KLC3: variants seen among roughly 807,000 people sequenced by gnomAD.
KLC3 encodes the protein kinesin light chain 2.
KLC3 carries 72 observed loss-of-function variants against 62.9 expected under a neutral mutation model. The ratio of observed to expected loss-of-function variants is 1.15; its 90% confidence interval spans 0.95 to 1.39. The LOEUF is 1.39. Among genes scored for constraint, KLC3 ranks in the 40% most tolerant of loss-of-function variants. KLC3 has a pLI of 0.00. For missense variants in KLC3, 848 were observed against 691.6 expected (o/e 1.23, Z -2.54); for synonymous variants, 377 against 300.5 (o/e 1.25, Z -2.63).
At position 45,346,648 on chromosome 19, in the gene KLC3, G is replaced by A; in HGVS notation, c.363G>A (p.Glu121=). ...CCCAGGAGAACGTGTGGCTGCGGGA[G>A]GAACTGGAGGAGACGCAGCGGCGGC... The part of the protein sequence containing the change: ...RLAQENVWLR[E]ELEETQRRLR... Residue 121 remains glutamate, a synonymous_variant, in exon 3 of 13, where the codon GAG becomes GAA. Coordinates refer to ENST00000391946, the MANE Select transcript of KLC3 (RefSeq NM_177417.3). 6.4e-7 allele frequency: 1 copy of A among 1,556,202 alleles called. No individual in the cohort carries two copies. Among genetic ancestry groups the A allele is most frequent in the Non-Finnish European group, 8.7e-7 (1 of 1,150,532 alleles).
intron 5 of KLC3, 87 bp downstream of exon 5, chr19:45,348,247 C>G: frequency 8.3e-7 from 1 of 1,202,000 alleles, no homozygotes; most frequent in Non-Finnish European, 1.2e-6. Context: ...CCCCCTCTGT[C>G]ACCATGGAGC....
intron 3 of KLC3, 53 bp from the exon 4 acceptor site, chr19:45,347,394 G>A: frequency 2.2e-6 from 3 of 1,369,090 alleles, no homozygotes; most frequent in East Asian, 4.6e-5. Flanking sequence ...CAGGGCCCCG[G>A]TCTCTGAAAC....
chr19:45,350,863 C>T (rs1971724731), intron 11 of KLC3, 91 bp from the exon 12 acceptor site: 1 of 1,247,846 alleles, frequency 8.0e-7, no homozygotes, highest in Non-Finnish European at 1.1e-6. Context: ...CCCTGTGATA[C>T]ACACAGATCA....
Position 45,350,108 on chromosome 19 carries a change from GGATACGGCCAGGTCAGCACATTA to G in KLC3, c.1144-230_1144-208del, listed in dbSNP as rs1350670021. 4 of 547,954 alleles carry G rather than the reference GGATACGGCCAGGTCAGCACATTA, an allele frequency of 7.3e-6. No individual in the cohort carries two copies. The Admixed American group carries it at 1.3e-4, about 18-fold the overall frequency. 33.9% of individuals were successfully genotyped at this position (547,954 alleles called of 1,614,324 possible). On this transcript the variant is annotated intron_variant, in intron 8 of 12. Coordinates refer to ENST00000391946, the MANE Select transcript of KLC3 (RefSeq NM_177417.3). ...CAGGGCAAGGCTTTAGGCAGGGGAA[GGATACGGCCAGGTCAGCACATTA>G]GAAAGTGGGGCCAGACGTGGTGGTT...
intron 4 of KLC3, 40 bp from the exon 5 acceptor site, chr19:45,347,901 G>A (rs762402370): frequency 1.3e-5 from 20 of 1,507,512 alleles, no homozygotes; most frequent in Non-Finnish European, 1.5e-5. Context: ...GGAGGGGCAG[G>A]AGGCTTGCAG....
At position 45,347,429 on chromosome 19, in the gene KLC3, A is replaced by G. The variant is rs536289695; in HGVS notation, c.490-18A>G. The stretch of plus-strand genomic sequence containing the variant: ...CAAGCCCCCACCACCCCGGCCCCCC[A>G]CTTTCCTGTCTCTGCAGCAGTCTGA... On this transcript the variant is annotated intron_variant, in intron 3 of 12. Transcript: ENST00000391946. 2 of 1,571,546 alleles carry G rather than the reference A, an allele frequency of 1.3e-6. No homozygotes were observed. The highest frequency in any genetic ancestry group is 3.6e-5 in the Admixed American group (2 of 54,938).
chr19:45,350,606 T>TG (rs1971694423), intron 10 of KLC3, 35 bp from the exon 11 acceptor site: 1 of 1,613,044 alleles, frequency 6.2e-7, no homozygotes, highest in Non-Finnish European at 8.5e-7. Context: ...TGCATGGGCC[T>TG]GGGGGACTGA....
Position 45,350,325 on chromosome 19 carries a change from A to G in KLC3, c.1144-16A>G. Reference sequence around the variant, plus strand: ...ACTGGGGTCCGAAAAGTTCCCAGACACTCCCTTCTCCGCAGGCCTCAGCCT... The same window carrying G: ...ACTGGGGTCCGAAAAGTTCCCAGACGCTCCCTTCTCCGCAGGCCTCAGCCT... On this transcript the variant is annotated splice_polypyrimidine_tract_variant and intron_variant, in intron 8 of 12. Transcript: ENST00000391946. 6.2e-7 allele frequency: 1 copy of G among 1,610,078 alleles called. No homozygotes were observed. Among genetic ancestry groups the G allele is most frequent in the Non-Finnish European group, 8.5e-7 (1 of 1,178,472 alleles).
Position 45,351,357 on chromosome 19 carries a change from A to G in KLC3, c.1515A>G (p.Ter505=), listed in dbSNP as rs748839560. 1.2e-6 allele frequency: 2 copies of G among 1,610,554 alleles called. No homozygotes were observed. The highest frequency in any genetic ancestry group is 1.1e-5 in the South Asian group (1 of 91,068). Residue 505 remains the stop codon, a stop_retained_variant, in exon 13 of 13, where the codon TAA becomes TAG. Coordinates refer to ENST00000391946, the MANE Select transcript of KLC3 (RefSeq NM_177417.3). ...SASTQDLSPH[*] ...GCACCCAGGACCTGAGCCCCCACTA[A>G]CGTCCAGTGAACTGCGCTGGCCGCA... is the stretch of plus-strand genomic sequence containing the variant.
rs764613230 is a variant in KLC3 at position 45,348,746 on chromosome 19, C to T, written c.867+13C>T. On this transcript the variant is annotated intron_variant, in intron 6 of 12. Coordinates refer to ENST00000391946, the MANE Select transcript of KLC3 (RefSeq NM_177417.3). ...TGAGCACCCCGCGGTGAGTGGGGCC[C>T]CAGGGAGACGAAGTGGGGTCAAAGT... The T allele has an allele frequency of 1.3e-6, 2 of 1,575,186 alleles. No homozygotes were observed. The highest frequency in any genetic ancestry group is 1.7e-6 in the Non-Finnish European group (2 of 1,160,336).
intron 12 of KLC3, 76 bp from the exon 13 acceptor site, chr19:45,351,210 T>G: frequency 6.3e-7 from 1 of 1,589,004 alleles, no homozygotes; most frequent in Non-Finnish European, 8.6e-7. Context: ...GCTGCCAGGC[T>G]GGACCTGGAG....
intron 1 of KLC3, among the ~76,000 whole-genome samples, chr19:45,341,080 C>A (rs1358665176): frequency 6.6e-6 from 1 of 151,724 alleles, no homozygotes; most frequent in African/African-American, 2.4e-5. Flanking sequence ...AGGGAGGGGG[C>A]CCTTGTGACT....
At chr19:45,349,030 G>A (rs1179912400) in intron 7 of KLC3, 109 bp downstream of exon 7, 1 of 940,966 alleles carries the variant, frequency 1.1e-6, no homozygotes, top group Admixed American at 2.4e-5. Context: ...CTTGCGTTTG[G>A]TATTGGGAGA....
At chr19:45,341,174 G>T (rs1444567624) in intron 1 of KLC3, among the ~76,000 whole-genome samples, 1 of 142,234 alleles carries the variant, frequency 7.0e-6, no homozygotes, top group Non-Finnish European at 1.5e-5. Flanking sequence ...GGAGTCTCCT[G>T]CCTGCCTGTG....
chr19:45,346,322 C>G (rs989250068), intron 2 of KLC3, among the ~76,000 whole-genome samples: 1 of 152,118 alleles, frequency 6.6e-6, no homozygotes, highest in Non-Finnish European at 1.5e-5. Flanking sequence ...AGATGGCATT[C>G]TTCAGTAAAC....
intron 1 of KLC3, among the ~76,000 whole-genome samples, chr19:45,341,764 A>AT (rs1416408614): frequency 1.3e-5 from 1 of 77,364 alleles, no homozygotes; most frequent in Non-Finnish European, 2.7e-5. Flanking sequence ...GAGGTGTGTG[A>AT]AGCCGTGTGT....
At chr19:45,350,779 GA>G (rs1182289099) in intron 11 of KLC3, 32 bp downstream of exon 11, 1 of 1,576,404 alleles carries the variant, frequency 6.3e-7, no homozygotes, top group East Asian at 2.3e-5. Flanking sequence ...AAAGAGCCCT[GA>G]CATCAGCAGA....
intron 8 of KLC3, 28 bp downstream of exon 8, chr19:45,349,630 C>CAAGAGTGGA (rs1023252213): frequency 1.3e-6 from 2 of 1,516,980 alleles, no homozygotes; most frequent in African/African-American, 1.4e-5. Context: ...CAGAGTGGGC[C>CAAGAGTGGA]AAGAGTGGAG....
intron 12 of KLC3, 84 bp downstream of exon 12, chr19:45,351,101 T>G: frequency 6.2e-7 from 1 of 1,609,734 alleles, no homozygotes; most frequent in Non-Finnish European, 8.5e-7. Flanking sequence ...GTCGGGCCAG[T>G]GGTGGAGTCA....
Sources: gnomAD v4.1 joint callset for allele counts (sites outside exome capture counted in the v4.1 genomes callset) on GRCh38, gnomAD v4.1.1 for gene constraint, MANE v1.5 for transcripts, NCBI Gene and HGNC (gene_info 2026-07-23, HGNC 2026-07-21) for gene names.